Variants in FAM228B observed in about 807,000 individuals in gnomAD.
FAM228B encodes the protein family with sequence similarity 228 member B.
Under a neutral mutation model 42.6 loss-of-function variants are expected in FAM228B, and 38 were observed. The ratio of observed to expected loss-of-function variants is 0.89; its 90% confidence interval spans 0.69 to 1.17. The LOEUF (loss-of-function observed/expected upper bound fraction) is 1.17. Among genes scored for constraint, FAM228B ranks in the 50% most tolerant of loss-of-function variants. The pLI is 0.00. For missense variants in FAM228B, 344 were observed against 367.3 expected, an observed-to-expected ratio of 0.94 and a Z score of 0.52; for synonymous variants, 109 against 122.3, an observed-to-expected ratio of 0.89 and a Z score of 0.72.
chr2:24,120,034 C>T (rs564431479), upstream of FAM228B, among the ~76,000 whole-genome samples: 1 of 152,062 alleles, frequency 6.6e-6, no homozygotes, highest in Non-Finnish European at 1.5e-5. Flanking sequence ...TTTGGGAGGC[C>T]AAGGCAGAAA....
At chr2:24,133,848 G>A (rs548265242) in intron 2 of FAM228B, among the ~76,000 whole-genome samples, 116 of 151,982 alleles carry the variant, frequency 7.6e-4, no homozygotes, top group Non-Finnish European at 1.3e-3. Context: ...GGAGTTTGAG[G>A]GTACAGTGCG....
At chr2:24,163,647 T>C (rs1481646239) in intron 8 of FAM228B, among the ~76,000 whole-genome samples, 1 of 152,222 alleles carries the variant, frequency 6.6e-6, no homozygotes, top group Non-Finnish European at 1.5e-5. Context: ...ATAATCAGCA[T>C]CTTAATTCTA....
At chr2:24,151,094 CA>C (rs1667010363) in intron 7 of FAM228B, among the ~76,000 whole-genome samples, 1 of 152,118 alleles carries the variant, frequency 6.6e-6, no homozygotes, top group Admixed American at 6.5e-5. Context: ...CCTGATCTTA[CA>C]GATGTGCTTC....
intron 3 of FAM228B, among the ~76,000 whole-genome samples, chr2:24,101,850 T>C (rs1330321990): frequency 6.6e-6 from 1 of 152,060 alleles, no homozygotes; most frequent in Non-Finnish European, 1.5e-5. Flanking sequence ...GCCTGGCTAA[T>C]TTTTTGTATT....
intron 2 of FAM228B, among the ~76,000 whole-genome samples, chr2:24,129,613 A>G (rs1045666925): frequency 1.3e-5 from 2 of 151,960 alleles, no homozygotes; most frequent in Non-Finnish European, 2.9e-5. Flanking sequence ...CTAATCTGCT[A>G]CTAACCCATT....
chr2:24,127,439 T>A (rs1189013467), intron 2 of FAM228B, among the ~76,000 whole-genome samples: 2 of 152,192 alleles, frequency 1.3e-5, no homozygotes, highest in Admixed American at 6.5e-5. Flanking sequence ...TGATTGCAGT[T>A]CTCTTGGGTA....
intron 7 of FAM228B, among the ~76,000 whole-genome samples, chr2:24,150,914 TTGG>T (rs1327814002): frequency 2.0e-5 from 3 of 152,172 alleles, no homozygotes; most frequent in African/African-American, 7.2e-5. Flanking sequence ...GTAGTCTTCT[TTGG>T]GTTAAATCTG....
chr2:24,114,741 A>C (rs1254408179), intron 3 of FAM228B, among the ~76,000 whole-genome samples: 1 of 152,192 alleles, frequency 6.6e-6, no homozygotes, highest in Non-Finnish European at 1.5e-5. Flanking sequence ...AGCAATAGTC[A>C]GTGTAGAATC....
chr2:24,124,643 G>A (rs1666258654), intron 2 of FAM228B, among the ~76,000 whole-genome samples, 183 bp downstream of exon 2: 1 of 151,894 alleles, frequency 6.6e-6, no homozygotes, highest in Non-Finnish European at 1.5e-5. Context: ...TCTTAAGGTG[G>A]AATCATAGGT....
At chr2:24,149,403 T>C (rs1271177676) in intron 7 of FAM228B, among the ~76,000 whole-genome samples, 1 of 152,232 alleles carries the variant, frequency 6.6e-6, no homozygotes, top group East Asian at 1.9e-4. Context: ...GCCTGACTTT[T>C]GGATATAAGC....
rs1664917426 is a variant in FAM228B, at chr2:24,079,693, A to AC, written c.-289-1181dup. ...TAGTCAGCTTGGTGCTAAATAAGAT[A>AC]CCATGGTATATTTGGGGATTATGGA... On this transcript the variant is annotated intron_variant, in intron 1 of 10. Transcript: ENST00000613899. 4 of 1,551,762 alleles carry AC rather than the reference A, an allele frequency of 2.6e-6. No individual in the cohort carries two copies. In the South Asian group the frequency reaches 4.5e-5, roughly 17 times the overall value.
intron 3 of FAM228B, among the ~76,000 whole-genome samples, chr2:24,104,643 A>T (rs1665670360): frequency 1.3e-5 from 2 of 152,162 alleles, no homozygotes; most frequent in Admixed American, 6.5e-5. Flanking sequence ...AAACACCCGA[A>T]CAGCAGAGTA....
At chr2:24,162,499 T>G (rs1667309173) in intron 8 of FAM228B, among the ~76,000 whole-genome samples, 1 of 152,234 alleles carries the variant, frequency 6.6e-6, no homozygotes, top group African/African-American at 2.4e-5. Flanking sequence ...GCAGCAACTT[T>G]GGAAGGCAGC....
intron 2 of FAM228B, among the ~76,000 whole-genome samples, chr2:24,094,378 C>T (rs556680958): frequency 1.6e-4 from 24 of 152,056 alleles, no homozygotes; most frequent in Non-Finnish European, 2.6e-4. Flanking sequence ...AGCCTCCTCT[C>T]ACATTTTTAA....
intron 7 of FAM228B, among the ~76,000 whole-genome samples, chr2:24,157,003 A>G (rs1467032303): frequency 6.6e-6 from 1 of 152,088 alleles, no homozygotes; most frequent in African/African-American, 2.4e-5. Flanking sequence ...GCTGTACCCC[A>G]GAGGTTATGA....
At chr2:24,131,636 T>C (rs1355938770) in intron 2 of FAM228B, among the ~76,000 whole-genome samples, 2 of 152,208 alleles carry the variant, frequency 1.3e-5, no homozygotes, top group Non-Finnish European at 2.9e-5. Flanking sequence ...ACTTGTCTGT[T>C]GTTGATGTAT....
At chr2:24,079,488 G>A (rs139719848) in intron 1 of FAM228B, 231 of 1,613,962 alleles carry the variant, frequency 1.4e-4, no homozygotes, top group Non-Finnish European at 1.8e-4. Flanking sequence ...AGACTTCCTC[G>A]CTTAAAAAGT....
At chr2:24,135,836 G>A (rs113375573) in intron 3 of FAM228B, among the ~76,000 whole-genome samples, 155 of 151,930 alleles carry the variant, frequency 1.0e-3, no homozygotes, top group African/African-American at 3.5e-3. Context: ...TGAATGAGAA[G>A]GTTTAGTGAG....
At position 24,092,813 on chromosome 2, in the gene FAM228B, A is replaced by C. The variant is rs901126290; in HGVS notation, c.-209-2328A>C. On this transcript the variant is annotated intron_variant, in intron 2 of 10. Transcript: ENST00000613899. ...TATGCATCCACTTGAAAAATGAACT[A>C]GAGCTATAGCAGTTGACATCAAGGG... 7.9e-5 allele frequency among the ~76,000 whole-genome samples: 12 copies of C among 152,310 alleles called. No homozygotes were observed. The East Asian group carries it at 9.6e-4, about 12-fold the overall frequency.
Sources: allele counts gnomAD v4.1 joint callset (sites outside exome capture counted in the v4.1 genomes callset), GRCh38; gene constraint gnomAD v4.1.1; transcripts MANE v1.5; gene names NCBI Gene and HGNC (gene_info 2026-07-23, HGNC 2026-07-21).